Variants in PACSIN2 observed in about 807,000 individuals in gnomAD.
PACSIN2 encodes protein kinase C and casein kinase substrate in neurons protein 2.
Under a neutral mutation model 63.8 loss-of-function variants are expected in PACSIN2, and 25 were observed. The observed-to-expected ratio is 0.39, with a 90% CI of 0.29 to 0.55. PACSIN2 has a LOEUF of 0.55. Among genes scored for constraint, PACSIN2 ranks in the 20% least tolerant of loss-of-function variants. The pLI is 0.62. For missense variants in PACSIN2, 518 were observed against 646.9 expected, an observed-to-expected ratio of 0.80 and a Z score of 2.16; for synonymous variants, 255 against 256.2, an observed-to-expected ratio of 1.00 and a Z score of 0.05.
chr22:42,871,108 C>G lies in PACSIN2; in HGVS notation c.*249G>C, dbSNP rs1928073421. ...TAGAGATCTATGATAGGCCAACAGG[C>G]ACAGTGGGCGGGGAGGGGCGGCTAT... On this transcript the variant is annotated 3_prime_UTR_variant, in exon 11 of 11. Transcript: ENST00000263246. This position sits in a 1 kb window ranked among gnomAD's most constrained non-coding sequence, Gnocchi z 5.4. The G allele has an allele frequency of 1.8e-6, 1 of 545,712 alleles. No individual in the cohort carries two copies. The highest frequency in any genetic ancestry group is 1.9e-5 in the African/African-American group (1 of 52,800). The allele number at this position is 545,712 out of a possible 1,614,324, so 33.8% of individuals were successfully genotyped here.
At chr22:42,942,165 G>A (rs1244853606) in intron 1 of PACSIN2, among the ~76,000 whole-genome samples, 1 of 150,442 alleles carries the variant, frequency 6.6e-6, no homozygotes, top group African/African-American at 2.5e-5. Context: ...TGTTGCTCAG[G>A]CTGGTCTCAA....
intron 10 of PACSIN2, among the ~76,000 whole-genome samples, chr22:42,874,979 T>G (rs1888531172): frequency 6.6e-6 from 1 of 151,054 alleles, no homozygotes; most frequent in African/African-American, 2.4e-5. Flanking sequence ...GCCTCCCGAG[T>G]AGCTGGGACT....
chr22:42,982,887 A>AAAAAAAAAAAAAACAAAAAAAAAAAAAC (rs200348918), intron 1 of PACSIN2, among the ~76,000 whole-genome samples: 1 of 129,498 alleles, frequency 7.7e-6, no homozygotes, highest in Non-Finnish European at 1.7e-5. Context: ...AAAAAAAAAA[A>AAAAAAAAAAAAAACAAAAAAAAAAAAAC]AAACAACAAC....
intron 2 of PACSIN2, among the ~76,000 whole-genome samples, chr22:42,910,355 G>A (rs1006492754): frequency 2.0e-5 from 3 of 152,230 alleles, no homozygotes; most frequent in Admixed American, 6.5e-5. Flanking sequence ...TTGAGAACAA[G>A]GGCCTGCACT....
chr22:42,876,816 C>A (rs541610278), intron 9 of PACSIN2, 72 bp downstream of exon 9: 23 of 1,578,784 alleles, frequency 1.5e-5, no homozygotes, highest in South Asian at 1.1e-4. Context: ...AGGGGTGAGA[C>A]CCCTGGACAG....
At chr22:42,878,695 C>G (rs999787065) in intron 8 of PACSIN2, among the ~76,000 whole-genome samples, 1 of 152,234 alleles carries the variant, frequency 6.6e-6, no homozygotes, top group Admixed American at 6.5e-5. Context: ...GGTGGCACCT[C>G]CACCAGTGTC....
intron 1 of PACSIN2, among the ~76,000 whole-genome samples, chr22:42,945,294 G>A (rs1185312906): frequency 1.3e-5 from 2 of 152,060 alleles, no homozygotes; most frequent in Admixed American, 1.3e-4. Flanking sequence ...GCTCATTTCT[G>A]TAGTGGCTGC....
chr22:42,896,926 A>G (rs1016431265), intron 2 of PACSIN2, among the ~76,000 whole-genome samples: 1 of 152,040 alleles, frequency 6.6e-6, no homozygotes, highest in Non-Finnish European at 1.5e-5. Context: ...TGCCTTCTTG[A>G]GTAAAGTTTG....
chr22:42,874,665 G>A (rs972785516), intron 10 of PACSIN2, among the ~76,000 whole-genome samples: 23 of 152,186 alleles, frequency 1.5e-4, no homozygotes, highest in Non-Finnish European at 2.5e-4. Context: ...TCATGGCCCT[G>A]CGGGGCTAGC....
intron 2 of PACSIN2, among the ~76,000 whole-genome samples, chr22:42,905,473 C>T (rs1931009234): frequency 6.6e-6 from 1 of 152,244 alleles, no homozygotes; most frequent in South Asian, 2.1e-4. Flanking sequence ...GCCGCTGGCC[C>T]AGTGCCCAAC....
Position 42,919,576 on chromosome 22 carries a change from C to T in PACSIN2, c.-77-7419G>A, listed in dbSNP as rs1181272563. Among the ~76,000 whole-genome samples, 5 of 151,964 alleles carry T rather than the reference C, an allele frequency of 3.3e-5. No homozygotes were observed. The South Asian group carries it at 1.0e-3, about 32-fold the overall frequency. ...GATCATGAGGTCAGGAGTTTAAGACCAGCCTGGCCAACATGGTGAAACTGT... is the reference window on the plus strand; with the variant it reads ...GATCATGAGGTCAGGAGTTTAAGACTAGCCTGGCCAACATGGTGAAACTGT... On this transcript the variant is annotated intron_variant, in intron 1 of 10. Coordinates refer to ENST00000263246, the MANE Select transcript of PACSIN2 (RefSeq NM_001184970.3).
chr22:42,893,174 T>C (rs996406863), intron 3 of PACSIN2, among the ~76,000 whole-genome samples: 3 of 152,294 alleles, frequency 2.0e-5, no homozygotes, highest in Non-Finnish European at 4.4e-5. Context: ...CTTACCCGAG[T>C]TCTGAGTTAA....
At chr22:42,932,956 CTGTGT>C (rs1932812572) in intron 1 of PACSIN2, among the ~76,000 whole-genome samples, 1 of 152,210 alleles carries the variant, frequency 6.6e-6, no homozygotes, top group South Asian at 2.1e-4. Flanking sequence ...GAGGAACCAA[CTGTGT>C]TAGGAGACGA....
chr22:42,969,671 G>C (rs1249965334), intron 1 of PACSIN2, among the ~76,000 whole-genome samples: 1 of 152,092 alleles, frequency 6.6e-6, no homozygotes, highest in Non-Finnish European at 1.5e-5. Context: ...AGGCACAGTG[G>C]TTCATGCCTG....
At chr22:42,981,647 TG>T (rs1238189771) in intron 1 of PACSIN2, among the ~76,000 whole-genome samples, 4 of 61,540 alleles carry the variant, frequency 6.5e-5, no homozygotes, top group African/African-American at 1.3e-4. Context: ...GGGAGGGAGG[TG>T]GGGGGGTCAG....
At chr22:42,942,426 A>G (rs924408882) in intron 1 of PACSIN2, among the ~76,000 whole-genome samples, 2 of 152,156 alleles carry the variant, frequency 1.3e-5, no homozygotes, top group African/African-American at 4.8e-5. Context: ...ATCTAGGAAA[A>G]CACTGCCTAA....
intron 10 of PACSIN2, among the ~76,000 whole-genome samples, chr22:42,872,042 A>G (rs1928187929): frequency 6.6e-6 from 1 of 152,208 alleles, no homozygotes; most frequent in Non-Finnish European, 1.5e-5. Flanking sequence ...AGACCCTGAG[A>G]AGGAGCCCCT....
chr22:42,944,258 A>C (rs1189021920), intron 1 of PACSIN2, among the ~76,000 whole-genome samples: 1 of 152,214 alleles, frequency 6.6e-6, no homozygotes, highest in Non-Finnish European at 1.5e-5. Context: ...CAAGCGAGAA[A>C]GACATTTGTG....
chr22:42,884,236 G>A, intron 6 of PACSIN2, 150 bp downstream of exon 6: 3 of 674,728 alleles, frequency 4.4e-6, no homozygotes, highest in Non-Finnish European at 7.7e-6. Flanking sequence ...CTGCCATCCA[G>A]ATTACAAAGA....
Sources: allele counts gnomAD v4.1 joint callset (sites outside exome capture counted in the v4.1 genomes callset), GRCh38; gene constraint gnomAD v4.1.1; non-coding constraint Gnocchi (gnomAD v3.1); transcripts MANE v1.5; gene names NCBI Gene and HGNC (gene_info 2026-07-23, HGNC 2026-07-21).